Variants in PITRM1 observed in about 807,000 individuals in gnomAD.
PITRM1 encodes pitrilysin metallopeptidase 1, also known as presequence protease, mitochondrial.
In PITRM1, 100 loss-of-function variants were observed where a neutral mutation model predicts 129.9. The observed-to-expected ratio is 0.77, with a 90% CI of 0.65 to 0.91. The LOEUF (loss-of-function observed/expected upper bound fraction) is 0.91, where lower values mean the gene tolerates loss of function less well. PITRM1 is among the 40% of genes least tolerant of loss of function. The pLI, the probability that PITRM1 is intolerant of heterozygous loss-of-function variation, is 0.00. For synonymous variants in PITRM1, 591 were observed against 508.8 expected (o/e 1.16, Z -2.17); for missense variants, 1,471 against 1,318.3 (o/e 1.12, Z -1.79).
intron 14 of PITRM1, among the ~76,000 whole-genome samples, chr10:3,151,589 C>G (rs924935713): frequency 6.6e-6 from 1 of 152,158 alleles, no homozygotes; most frequent in Non-Finnish European, 1.5e-5. Flanking sequence ...TTCTCATTTT[C>G]AATTATTAAG....
chr10:3,155,597 C>G lies in PITRM1; in HGVS notation c.1615G>C (p.Glu539Gln), dbSNP rs373717428. The change falls in exon 14 of 27, where the codon GAG (glutamate) becomes CAG (glutamine). Residue 539 changes from glutamate to glutamine, a missense_variant. By Grantham distance (29) the Glu-to-Gln change is conservative. Transcript: ENST00000224949. ...LSPGDRQQIY[E>Q]KGLELRSQQS... Reference sequence around the variant, plus strand: ...TCGGAAGGAAGCCTCTGACCTTTCTCGTAGATCTGCTGCCTGTCTCCGGGG... The same window carrying G: ...TCGGAAGGAAGCCTCTGACCTTTCTGGTAGATCTGCTGCCTGTCTCCGGGG... The G allele has an allele frequency of 7.4e-6, 12 of 1,613,886 alleles. No homozygotes were observed. The African/African-American group carries it at 9.3e-5, about 13-fold the overall frequency.
Position 3,137,812 on chromosome 10 carries a change from C to G in PITRM1, c.*219G>C. 1.1e-5 allele frequency: 6 copies of G among 552,230 alleles called. No individual in the cohort carries two copies. The South Asian group carries it at 1.2e-4, about 11-fold the overall frequency. The allele number at this position is 552,230 out of a possible 1,614,324, so 34.2% of individuals were successfully genotyped here. A position where few individuals can be genotyped will look rare whatever the true frequency, so the allele number is the denominator to read the frequency against. ...AGCCTGCCAGTACAAAGTGAAAATT[C>G]TACATGGTGCATCTTTGGCGCTTCA... On this transcript the variant is annotated 3_prime_UTR_variant, in exon 27 of 27. Coordinates refer to ENST00000224949, the MANE Select transcript of PITRM1 (RefSeq NM_014889.4).
chr10:3,151,711 G>C (rs1423048732), intron 14 of PITRM1, among the ~76,000 whole-genome samples: 1 of 152,092 alleles, frequency 6.6e-6, no homozygotes, highest in Non-Finnish European at 1.5e-5. Context: ...TTTCTTGATG[G>C]ACTGAAATTT....
intron 6 of PITRM1, 85 bp from the exon 7 acceptor site, chr10:3,163,970 C>A: frequency 3.8e-6 from 3 of 790,432 alleles, no homozygotes; most frequent in Non-Finnish European, 1.9e-6. Context: ...CAATTGATCA[C>A]ATTCTGGTGC....
intron 14 of PITRM1, 47 bp downstream of exon 14, chr10:3,155,544 C>T (rs754969123): frequency 5.0e-6 from 8 of 1,608,534 alleles, no homozygotes; most frequent in Non-Finnish European, 6.8e-6. Context: ...GTCCACTAGG[C>T]CCGAGTGCAG....
intron 1 of PITRM1, chr10:3,172,234 A>AT (rs1564446367): frequency 2.2e-5 from 10 of 457,610 alleles, no homozygotes; most frequent in South Asian, 1.5e-4. Flanking sequence ...CTGCTTCGTC[A>AT]TTTTTTTCCC....
chr10:3,147,529 G>A lies in PITRM1; in HGVS notation c.2235+43C>T, dbSNP rs540849568. ...AAAGAAATTAGTAACTCTGGAATAT[G>A]TGGCTAAACCGGAGTAATAGAGGTT... On this transcript the variant is annotated intron_variant, in intron 19 of 26. Transcript: ENST00000224949. 4.3e-5 allele frequency: 69 copies of A among 1,586,470 alleles called. No homozygotes were observed. The African/African-American group carries it at 7.8e-4, about 18-fold the overall frequency.
intron 6 of PITRM1, 148 bp from the exon 7 acceptor site, chr10:3,164,033 A>C (rs1842671227): frequency 2.3e-6 from 1 of 430,764 alleles, no homozygotes; most frequent in Admixed American, 4.4e-5. Flanking sequence ...TAAAAAAAAA[A>C]AAAAAACACC....
chr10:3,143,602 G>A (rs1235304304), intron 22 of PITRM1, 101 bp from the exon 23 acceptor site: 8 of 802,718 alleles, frequency 1.0e-5, no homozygotes, highest in African/African-American at 5.1e-5. Context: ...GTGCTCCCAC[G>A]CACTGCCCAC....
chr10:3,168,002 T>C (rs984232490), intron 2 of PITRM1: 2 of 152,122 alleles, frequency 1.3e-5, no homozygotes, highest in Non-Finnish European at 2.9e-5. Context: ...ACCATACTCC[T>C]CGGTATGAAA....
chr10:3,160,640 C>T (rs1842367514), intron 7 of PITRM1, among the ~76,000 whole-genome samples: 1 of 152,222 alleles, frequency 6.6e-6, no homozygotes, highest in African/African-American at 2.4e-5. Flanking sequence ...TTCCTGGCTT[C>T]AGGCATCTGC....
intron 14 of PITRM1, among the ~76,000 whole-genome samples, chr10:3,152,632 G>T (rs1404056161): frequency 6.6e-6 from 1 of 152,230 alleles, no homozygotes; most frequent in Non-Finnish European, 1.5e-5. Flanking sequence ...CAATGGCACG[G>T]AGCTCAGACC....
At chr10:3,144,516 A>T (rs1422978311) in intron 21 of PITRM1, 150 bp from the exon 22 acceptor site, 2 of 588,692 alleles carry the variant, frequency 3.4e-6, no homozygotes, top group Non-Finnish European at 6.0e-6. Context: ...AAAAAAAATA[A>T]AAATAGGCTG....
rs1197591785 is a variant in PITRM1, at chr10:3,148,022, T to G, written c.2034A>C (p.Pro678=). The G allele has an allele frequency of 6.2e-7, 1 of 1,613,794 alleles. No homozygotes were observed. The highest frequency in any genetic ancestry group is 1.6e-4 in the Middle Eastern group (1 of 6,062). ...TTTCACTCCATAGCTGCATCATGTC[T>G]GGCAGGTTTCGATCCAGGCAGAGAG... ...FSSLCLDRNL[P]DMMQLWSEIF... The change falls in exon 18 of 27, where the codon CCA becomes CCC. Residue 678 remains proline (P), a synonymous_variant. Transcript: ENST00000224949.
intron 21 of PITRM1, chr10:3,145,118 C>G (rs922703053): frequency 6.4e-6 from 1 of 157,008 alleles, no homozygotes; most frequent in Admixed American, 6.2e-5. Flanking sequence ...AAGACATGAG[C>G]GTCAACCTCC....
At chr10:3,160,757 T>C (rs1487399898) in intron 7 of PITRM1, among the ~76,000 whole-genome samples, 1 of 148,512 alleles carries the variant, frequency 6.7e-6, no homozygotes, top group East Asian at 1.9e-4. Flanking sequence ...CACTTGGTTT[T>C]GGTGGGGGGT....
At chr10:3,166,054 C>T (rs546634898) in intron 4 of PITRM1, among the ~76,000 whole-genome samples, 175 bp downstream of exon 4, 1 of 152,322 alleles carries the variant, frequency 6.6e-6, no homozygotes, top group South Asian at 2.1e-4. Flanking sequence ...AATCTCGCTA[C>T]CATGTGGCTT....
chr10:3,172,787 A>C (rs1314658504), upstream of PITRM1: 2 of 1,516,790 alleles, frequency 1.3e-6, no homozygotes, highest in African/African-American at 1.6e-5. Context: ...CATGACGAGC[A>C]CCTGGCTGGC....
chr10:3,150,187 C>G (rs1297547785), intron 15 of PITRM1, among the ~76,000 whole-genome samples: 1 of 152,152 alleles, frequency 6.6e-6, no homozygotes, highest in Non-Finnish European at 1.5e-5. Flanking sequence ...CCTGGTGTCC[C>G]CCACCCACCC....
Sources: allele counts gnomAD v4.1 joint callset (sites outside exome capture counted in the v4.1 genomes callset), GRCh38; gene constraint gnomAD v4.1.1; transcripts MANE v1.5; gene names NCBI Gene and HGNC (gene_info 2026-07-23, HGNC 2026-07-21).